WDR27: variants seen among roughly 807,000 people sequenced by gnomAD.
The protein encoded by WDR27 is WD repeat domain 27.
WDR27 carries 100 observed loss-of-function variants against 114.4 expected under a neutral mutation model. The ratio of observed to expected loss-of-function variants is 0.87; its 90% CI spans 0.74 to 1.03. The LOEUF (loss-of-function observed/expected upper bound fraction) is 1.03, where lower values mean the gene tolerates loss of function less well. Ranked by LOEUF, WDR27 falls within the 50% of genes least tolerant of loss-of-function variation. The pLI is 0.00. For missense variants in WDR27, 1,129 were observed against 1,092.9 expected, an observed-to-expected ratio of 1.03 and a Z score of -0.47; for synonymous variants, 449 against 423.1, an observed-to-expected ratio of 1.06 and a Z score of -0.75.
chr6:169,628,891 G>T (rs1052572018), intron 21 of WDR27, among the ~76,000 whole-genome samples: 3 of 151,664 alleles, frequency 2.0e-5, no homozygotes, highest in Non-Finnish European at 4.4e-5. Context: ...GTTGCATGTG[G>T]AACGTAAGAG....
intron 4 of WDR27, 110 bp downstream of exon 4, chr6:169,670,459 A>G (rs1778408548): frequency 1.6e-6 from 2 of 1,285,550 alleles, no homozygotes; most frequent in Admixed American, 2.5e-5. Flanking sequence ...ATATAGCTTA[A>G]AAAAAAAGGA....
chr6:169,519,311 C>A (rs1379569707), intron 25 of WDR27, among the ~76,000 whole-genome samples: 2 of 152,174 alleles, frequency 1.3e-5, no homozygotes, highest in Non-Finnish European at 1.5e-5. Flanking sequence ...TGTGTTAGTT[C>A]ATTCTTGTAT....
At chr6:169,605,319 A>ATAATGATT (rs1339560789) in intron 22 of WDR27, among the ~76,000 whole-genome samples, 2 of 151,886 alleles carry the variant, frequency 1.3e-5, no homozygotes, top group African/African-American at 2.4e-5. Flanking sequence ...CTATACATCA[A>ATAATGATT]TAATGATTTA....
At position 169,506,118 on chromosome 6, in the gene WDR27, C is replaced by T. The variant is rs369007349; in HGVS notation, c.2646-48484G>A. Among the ~76,000 whole-genome samples the T allele has an allele frequency of 6.6e-5, 10 of 152,338 alleles. No individual in the cohort carries two copies. The East Asian group carries it at 1.3e-3, about 21-fold the overall frequency. ...ATTTATTTACAATTGTGCAGTATTT[C>T]ATCTGAGCTAAAAATTAAACACTGC... On this transcript the variant is annotated intron_variant, in intron 25 of 25. Coordinates refer to ENST00000448612, the MANE Select transcript of WDR27 (RefSeq NM_182552.5).
At chr6:169,557,470 C>T (rs938108030) in intron 25 of WDR27, among the ~76,000 whole-genome samples, 15 of 152,178 alleles carry the variant, frequency 9.9e-5, no homozygotes, top group African/African-American at 3.4e-4. Flanking sequence ...TCTGGCTGTT[C>T]ATTTGTTCAT....
At chr6:169,482,922 C>G (rs1312372741) in intron 25 of WDR27, among the ~76,000 whole-genome samples, 3 of 152,130 alleles carry the variant, frequency 2.0e-5, no homozygotes, top group Non-Finnish European at 4.4e-5. Context: ...AATCAACCTG[C>G]TCCTGAATGA....
At chr6:169,658,114 A>G (rs1262865403) in intron 13 of WDR27, 162 bp downstream of exon 13, 1 of 607,022 alleles carries the variant, frequency 1.6e-6, no homozygotes, top group East Asian at 3.1e-5. Context: ...CACAGCGGAC[A>G]TGGAACACGC....
intron 25 of WDR27, among the ~76,000 whole-genome samples, chr6:169,473,488 C>A (rs1036949149): frequency 6.6e-6 from 1 of 151,984 alleles, no homozygotes; most frequent in African/African-American, 2.4e-5. Context: ...AAAGTACAAC[C>A]TAGAATGAGA....
chr6:169,500,616 G>A (rs1013414511), intron 25 of WDR27, among the ~76,000 whole-genome samples: 2 of 152,132 alleles, frequency 1.3e-5, no homozygotes, highest in Admixed American at 1.3e-4. Context: ...GTGGAGGAGG[G>A]GCAATGAGTA....
At chr6:169,577,478 C>G (rs531654705) in intron 24 of WDR27, among the ~76,000 whole-genome samples, 3 of 150,262 alleles carry the variant, frequency 2.0e-5, no homozygotes, top group Non-Finnish European at 4.5e-5. Context: ...CCAGGTGTAA[C>G]CACAGCGGGC....
Position 169,668,428 on chromosome 6 carries a change from T to TA in WDR27, c.457-244dup, listed in dbSNP as rs1012296875. 1.0e-3 allele frequency among the ~76,000 whole-genome samples: 156 copies of TA among 152,170 alleles called. 1 individual carries two copies. The highest frequency in any genetic ancestry group is 3.7e-3 in the African/African-American group (153 of 41,442). On this transcript the variant is annotated intron_variant, in intron 4 of 25. Coordinates refer to ENST00000448612, the MANE Select transcript of WDR27 (RefSeq NM_182552.5). ...CATCTGCCCTGAGGCTCCCCGCCTGTAACTCAGAATGTACTGCTCTGCCTT... is the reference window on the plus strand; with the variant it reads ...CATCTGCCCTGAGGCTCCCCGCCTGTAAACTCAGAATGTACTGCTCTGCCTT...
At chr6:169,510,029 A>C (rs564284029) in intron 25 of WDR27, among the ~76,000 whole-genome samples, 19 of 152,352 alleles carry the variant, frequency 1.2e-4, no homozygotes, top group African/African-American at 4.3e-4. Flanking sequence ...CACATGAAAA[A>C]ATGCTCATCA....
chr6:169,461,404 C>A (rs533466721), intron 25 of WDR27, among the ~76,000 whole-genome samples: 1 of 152,160 alleles, frequency 6.6e-6, no homozygotes. Flanking sequence ...AGATAAACAT[C>A]ATACACAGTA....
chr6:169,427,801 A>G, the WDR27 span, among the ~76,000 whole-genome samples: 1 of 138,148 alleles, frequency 7.2e-6, no homozygotes, highest in Non-Finnish European at 1.6e-5. Flanking sequence ...GTGAAGACAA[A>G]CAACAACCAA....
At chr6:169,430,851 T>C in the WDR27 span, among the ~76,000 whole-genome samples, 1 of 152,226 alleles carries the variant, frequency 6.6e-6, no homozygotes, top group African/African-American at 2.4e-5. Context: ...GACTGGAGTT[T>C]CTTTAACCAT....
At chr6:169,630,349 C>T (rs1422457533) in intron 21 of WDR27, among the ~76,000 whole-genome samples, 1 of 152,134 alleles carries the variant, frequency 6.6e-6, no homozygotes, top group Admixed American at 6.6e-5. Context: ...TTGGTAACAG[C>T]GAGTCACAGT....
At chr6:169,567,746 A>T (rs983402272) in intron 25 of WDR27, among the ~76,000 whole-genome samples, 1 of 152,158 alleles carries the variant, frequency 6.6e-6, no homozygotes, top group African/African-American at 2.4e-5. Context: ...GTCTTAGAAG[A>T]GGCAAAACCC....
At chr6:169,683,385 A>G (rs1174693476) in intron 2 of WDR27, among the ~76,000 whole-genome samples, 1 of 152,150 alleles carries the variant, frequency 6.6e-6, no homozygotes, top group African/African-American at 2.4e-5. Flanking sequence ...CTTACAGGCA[A>G]GAAGTGAGGG....
rs546064106 is a variant in WDR27, at chr6:169,630,671, G to A, written c.2223+2276C>T. On this transcript the variant is annotated intron_variant, in intron 21 of 25. Transcript: ENST00000448612. Reference sequence around the variant, plus strand: ...AGCACTTTGGGAGGCCGAGGCGGGCGGATCACAAGGTCAGGAGTTCGAGAC... The same window carrying A: ...AGCACTTTGGGAGGCCGAGGCGGGCAGATCACAAGGTCAGGAGTTCGAGAC... Among the ~76,000 whole-genome samples the A allele has an allele frequency of 1.7e-4, 26 of 152,280 alleles. No homozygotes were observed. In the Middle Eastern group the frequency reaches 0.017, roughly 100 times the overall value.
Sources: allele counts gnomAD v4.1 joint callset (sites outside exome capture counted in the v4.1 genomes callset), GRCh38; gene constraint gnomAD v4.1.1; transcripts MANE v1.5; gene names NCBI Gene and HGNC (gene_info 2026-07-23, HGNC 2026-07-21).